MAGT1: variants seen among roughly 807,000 people sequenced by gnomAD.
MAGT1 encodes the protein dolichyl-diphosphooligosaccharide--protein glycosyltransferase subunit MAGT1.
Under a neutral mutation model 28.4 loss-of-function variants are expected in MAGT1, and 4 were observed. The observed-to-expected ratio is 0.14, with a 90% CI of 0.07 to 0.32. The LOEUF (loss-of-function observed/expected upper bound fraction) is 0.32, where lower values mean the gene tolerates loss of function less well. MAGT1 is among the 10% of genes least tolerant of loss of function. MAGT1 has a pLI of 1.00. For synonymous variants in MAGT1, 89 were observed against 89.7 expected (o/e 0.99, Z 0.04); for missense variants, 193 against 264.5 (o/e 0.73, Z 1.88).
chrX:77,881,636 T>C (rs1557218468), intron 1 of MAGT1, among the ~76,000 whole-genome samples: 3 of 111,170 alleles, frequency 2.7e-5, no homozygotes, highest in African/African-American at 9.8e-5. Context: ...GGTGTATATG[T>C]GCCACATTTT....
intron 1 of MAGT1, among the ~76,000 whole-genome samples, chrX:77,879,213 C>T (rs1164487992): frequency 9.0e-6 from 1 of 110,872 alleles, no homozygotes; most frequent in African/African-American, 3.3e-5. Flanking sequence ...CACGCCACCA[C>T]GCCTGGCTAA....
At chrX:77,860,018 A>G (rs1557216341) in intron 3 of MAGT1, among the ~76,000 whole-genome samples, 1 of 112,338 alleles carries the variant, frequency 8.9e-6, no homozygotes, top group Non-Finnish European at 1.9e-5. Flanking sequence ...TCATTATCAT[A>G]CTATTAATTT....
chrX:77,839,569 G>T (rs188641110), intron 8 of MAGT1, among the ~76,000 whole-genome samples: 1,353 of 102,009 alleles, frequency 0.013, 20 homozygotes, highest in African/African-American at 0.046. Context: ...GTGCAGTGGC[G>T]TGATCTCGGC....
intron 1 of MAGT1, among the ~76,000 whole-genome samples, chrX:77,875,889 T>C (rs2077032069): frequency 9.1e-6 from 1 of 110,026 alleles, no homozygotes; most frequent in Admixed American, 9.9e-5. Context: ...TGCAGTGCAG[T>C]GGCACAATGA....
intron 3 of MAGT1, among the ~76,000 whole-genome samples, chrX:77,863,397 C>T (rs2076999745): frequency 1.9e-5 from 2 of 107,904 alleles, no homozygotes; most frequent in Admixed American, 2.0e-4. Flanking sequence ...CACCTGTAGT[C>T]CCAGCTACTC....
At chrX:77,834,339 C>G (rs1305518349) in intron 8 of MAGT1, among the ~76,000 whole-genome samples, 5 of 102,378 alleles carry the variant, frequency 4.9e-5, no homozygotes, top group Admixed American at 4.4e-4. Context: ...TATACACACA[C>G]ACACATAAAT....
chrX:77,856,796 C>T lies in MAGT1; in HGVS notation c.609G>A (p.Val203=). 1 of 1,205,805 alleles carries T rather than the reference C, an allele frequency of 8.3e-7. No homozygotes were observed. Among genetic ancestry groups the T allele is most frequent in the South Asian group, 1.8e-5 (1 of 56,790 alleles). The change falls in exon 5 of 10, where the codon GTG becomes GTA. Residue 203 remains valine (V), a synonymous_variant. Transcript: ENST00000618282. ...ATTCCATATTACTTCTTCGAAGATA[C>T]ACAAGTCCACCAATAACAGCCAAAA... ...GLLLAVIGGL[V]YLRRSNMEFL...
intron 8 of MAGT1, among the ~76,000 whole-genome samples, chrX:77,838,233 T>C (rs1304901214): frequency 9.2e-6 from 1 of 108,308 alleles, no homozygotes; most frequent in South Asian, 4.0e-4. Context: ...GTGGGAAAGG[T>C]TGCTTGAGCA....
chrX:77,827,318 A>T lies in MAGT1; in HGVS notation c.*1902T>A. 1 of 112,270 alleles carries T rather than the reference A, an allele frequency of 8.9e-6. No individual in the cohort carries two copies. The highest frequency in any genetic ancestry group is 4.6e-3 in the Middle Eastern group (1 of 216). 9.3% of individuals were successfully genotyped at this position (112,270 alleles called of 1,213,427 possible). Reference sequence around the variant, plus strand: ...TTGTTTCTCCACCTAAAGGAAGAGAATAAAGACTAAAATAACAGCAAAACA... The same window carrying T: ...TTGTTTCTCCACCTAAAGGAAGAGATTAAAGACTAAAATAACAGCAAAACA... On this transcript the variant is annotated 3_prime_UTR_variant, in exon 10 of 10. Transcript: ENST00000618282.
chrX:77,844,326 G>A (rs1557214680), intron 7 of MAGT1, among the ~76,000 whole-genome samples: 1 of 111,278 alleles, frequency 9.0e-6, no homozygotes, highest in Non-Finnish European at 1.9e-5. Context: ...GCATCTATTT[G>A]ATTCTTCTCT....
At chrX:77,894,545 C>T (rs1291489867) in intron 1 of MAGT1, among the ~76,000 whole-genome samples, 2 of 111,901 alleles carry the variant, frequency 1.8e-5, no homozygotes, top group African/African-American at 6.5e-5. Flanking sequence ...CTCTTTTTCT[C>T]ATCTATAAAA....
intron 1 of MAGT1, among the ~76,000 whole-genome samples, chrX:77,882,451 C>G (rs2077055295): frequency 8.9e-6 from 1 of 111,807 alleles, no homozygotes; most frequent in African/African-American, 3.2e-5. Flanking sequence ...TATGATTTGA[C>G]TATTTTATTC....
intron 8 of MAGT1, among the ~76,000 whole-genome samples, chrX:77,835,239 C>T (rs1455663265): frequency 1.8e-5 from 2 of 110,488 alleles, no homozygotes; most frequent in South Asian, 3.8e-4. Flanking sequence ...GGATTACAGG[C>T]GTGAGCCACC....
At chrX:77,863,743 C>T (rs935087360) in intron 3 of MAGT1, among the ~76,000 whole-genome samples, 3 of 111,956 alleles carry the variant, frequency 2.7e-5, no homozygotes, top group Admixed American at 9.5e-5. Flanking sequence ...TTAGGCCAGG[C>T]GCAGTGGCTT....
At chrX:77,867,481 T>C (rs2077010980) in intron 3 of MAGT1, among the ~76,000 whole-genome samples, 1 of 66,638 alleles carries the variant, frequency 1.5e-5, no homozygotes. Flanking sequence ...GATTGCCCTA[T>C]GGGAAATGGG....
chrX:77,845,728 T>C (rs1465084953), intron 7 of MAGT1, among the ~76,000 whole-genome samples: 3 of 111,758 alleles, frequency 2.7e-5, no homozygotes, highest in Non-Finnish European at 5.6e-5. Context: ...AAATTCTGGG[T>C]TGAAAATTCT....
chrX:77,846,942 C>T (rs1430027013), intron 7 of MAGT1, among the ~76,000 whole-genome samples: 7 of 111,720 alleles, frequency 6.3e-5, no homozygotes, highest in African/African-American at 2.3e-4. Flanking sequence ...CTGGGAGAAC[C>T]ACTACTCTCT....
chrX:77,843,623 C>A (rs1287487799), intron 7 of MAGT1, among the ~76,000 whole-genome samples: 2 of 111,670 alleles, frequency 1.8e-5, no homozygotes, highest in Non-Finnish European at 3.8e-5. Context: ...GTCTCTTCTC[C>A]AGCAATTTTT....
chrX:77,879,509 T>G (rs1174420550), intron 1 of MAGT1, among the ~76,000 whole-genome samples: 1 of 112,059 alleles, frequency 8.9e-6, no homozygotes, highest in Non-Finnish European at 1.9e-5. Context: ...CATGCAGTGG[T>G]TCATCATTCA....
Sources: gnomAD v4.1 joint callset for allele counts (sites outside exome capture counted in the v4.1 genomes callset) on GRCh38, gnomAD v4.1.1 for gene constraint, MANE v1.5 for transcripts, NCBI Gene and HGNC (gene_info 2026-07-23, HGNC 2026-07-21) for gene names.